COMMD10: variants seen among roughly 807,000 people sequenced by gnomAD.
The protein encoded by COMMD10 is COMM domain-containing protein 10.
A neutral mutation model predicts 28.9 loss-of-function variants in COMMD10; 33 were observed. That is an observed-to-expected ratio of 1.14 (90% CI 0.87 to 1.53). The LOEUF (loss-of-function observed/expected upper bound fraction) is 1.53, where lower values mean the gene tolerates loss of function less well. Among genes scored for constraint, COMMD10 ranks in the 40% most tolerant of loss-of-function variants. COMMD10 has a pLI of 0.00. For missense variants in COMMD10, 310 were observed against 233.4 expected (o/e 1.33, Z -2.14); for synonymous variants, 110 against 81.7 (o/e 1.35, Z -1.87).
intron 4 of COMMD10, among the ~76,000 whole-genome samples, chr5:116,116,757 G>T (rs1233109833): frequency 1.3e-5 from 2 of 148,804 alleles, no homozygotes; most frequent in Admixed American, 1.3e-4. Context: ...TGTCGCCCAG[G>T]CCGGACTGTG....
At chr5:116,144,334 T>A (rs6594948) in intron 5 of COMMD10, among the ~76,000 whole-genome samples, 76,561 of 151,568 alleles carry the variant, frequency 0.51, 21,932 homozygotes, top group Non-Finnish European at 0.65. Flanking sequence ...CTAAGTAAAG[T>A]TAGAGGGAAG....
At chr5:116,229,451 C>T (rs1285824876) in intron 5 of COMMD10, among the ~76,000 whole-genome samples, 2 of 152,050 alleles carry the variant, frequency 1.3e-5, no homozygotes, top group Non-Finnish European at 2.9e-5. Flanking sequence ...AAAGACTTGA[C>T]AGCACTGTAG....
At chr5:116,153,712 G>T (rs1274053035) in intron 5 of COMMD10, among the ~76,000 whole-genome samples, 1 of 151,904 alleles carries the variant, frequency 6.6e-6, no homozygotes, top group Non-Finnish European at 1.5e-5. Flanking sequence ...ATAGTGATTG[G>T]TTTGCCACCT....
At chr5:116,149,881 T>G (rs1257047878) in intron 5 of COMMD10, among the ~76,000 whole-genome samples, 1 of 151,362 alleles carries the variant, frequency 6.6e-6, no homozygotes, top group Non-Finnish European at 1.5e-5. Flanking sequence ...TTTGTCAATT[T>G]TGTCTTTTGT....
chr5:116,219,352 C>T (rs1353654252), intron 5 of COMMD10, among the ~76,000 whole-genome samples: 1 of 152,162 alleles, frequency 6.6e-6, no homozygotes, highest in Non-Finnish European at 1.5e-5. Context: ...ATAACAGCTC[C>T]TCACAGATAG....
At chr5:116,274,566 C>G (rs1561404184) in intron 5 of COMMD10, among the ~76,000 whole-genome samples, 1 of 151,788 alleles carries the variant, frequency 6.6e-6, no homozygotes, top group Non-Finnish European at 1.5e-5. Flanking sequence ...TTCCTCTGTT[C>G]AGCTGGGCTT....
rs550838706 is a variant in COMMD10, at chr5:116,266,357, C to G, written c.511-25160C>G. 9.9e-5 allele frequency among the ~76,000 whole-genome samples: 15 copies of G among 151,524 alleles called. No homozygotes were observed. In the East Asian group the frequency reaches 2.7e-3, roughly 27 times the overall value. ...TAAGCTGTTATATTTTTCTTTTTAA[C>G]TAAAGGGGTATATTTCAATGGAAAG... On this transcript the variant is annotated intron_variant, in intron 5 of 6. Coordinates refer to ENST00000274458, the MANE Select transcript of COMMD10 (RefSeq NM_016144.4).
Position 116,256,632 on chromosome 5 carries a change from G to A in COMMD10, c.511-34885G>A, listed in dbSNP as rs974643273. 4.0e-5 allele frequency among the ~76,000 whole-genome samples: 6 copies of A among 151,774 alleles called. No homozygotes were observed. The East Asian group carries it at 1.2e-3, about 29-fold the overall frequency. On this transcript the variant is annotated intron_variant, in intron 5 of 6. Transcript: ENST00000274458. The stretch of plus-strand genomic sequence containing the variant: ...TGGAACCAGAAATGTTTCAGATTTT[G>A]GATTTTTTCATATTTTGTAATGTTT...
At chr5:116,169,439 G>C (rs1252937437) in intron 5 of COMMD10, among the ~76,000 whole-genome samples, 1 of 151,452 alleles carries the variant, frequency 6.6e-6, no homozygotes, top group African/African-American at 2.4e-5. Context: ...GTTTCCTTCG[G>C]AAACTATTCT....
At chr5:116,239,890 A>G (rs1387179692) in intron 5 of COMMD10, among the ~76,000 whole-genome samples, 1 of 152,152 alleles carries the variant, frequency 6.6e-6, no homozygotes, top group Non-Finnish European at 1.5e-5. Flanking sequence ...CTTTTCTTCA[A>G]CTGATTGGCA....
intron 5 of COMMD10, among the ~76,000 whole-genome samples, chr5:116,270,775 GAATACAGAAGAATT>G (rs1750732218): frequency 6.6e-6 from 1 of 151,444 alleles, no homozygotes; most frequent in Admixed American, 6.6e-5. Flanking sequence ...CATCTCTACT[GAATACAGAAGAATT>G]AGTTGGGCTT....
At chr5:116,153,651 C>G (rs1291327867) in intron 5 of COMMD10, among the ~76,000 whole-genome samples, 1 of 151,596 alleles carries the variant, frequency 6.6e-6, no homozygotes, top group Non-Finnish European at 1.5e-5. Context: ...TTTTATTGGC[C>G]CAGAGGGCTG....
At chr5:116,256,456 C>G (rs1019089793) in intron 5 of COMMD10, among the ~76,000 whole-genome samples, 7 of 151,666 alleles carry the variant, frequency 4.6e-5, no homozygotes, top group Admixed American at 4.6e-4. Context: ...TTACCTTTCC[C>G]TTTGCATGTA....
intron 5 of COMMD10, among the ~76,000 whole-genome samples, chr5:116,158,761 CT>C: frequency 6.6e-6 from 1 of 151,920 alleles, no homozygotes; most frequent in South Asian, 2.1e-4. Flanking sequence ...GTAGTTTTGA[CT>C]TTCATTAATC....
intron 4 of COMMD10, 34 bp downstream of exon 4, chr5:116,092,734 A>G (rs776950650): frequency 1.3e-5 from 19 of 1,436,686 alleles, no homozygotes; most frequent in African/African-American, 7.2e-5. Context: ...ATGTTTTTCA[A>G]TAACATATGG....
intron 5 of COMMD10, among the ~76,000 whole-genome samples, chr5:116,180,183 G>C (rs1253542770): frequency 6.6e-6 from 1 of 152,014 alleles, no homozygotes; most frequent in Non-Finnish European, 1.5e-5. Context: ...AGACGCTTGG[G>C]TTACCTCTGT....
intron 5 of COMMD10, among the ~76,000 whole-genome samples, chr5:116,145,922 A>T (rs942002158): frequency 2.0e-5 from 3 of 152,072 alleles, no homozygotes; most frequent in African/African-American, 7.2e-5. Context: ...TGAGTCAATT[A>T]AACCTCTTTC....
intron 5 of COMMD10, among the ~76,000 whole-genome samples, chr5:116,230,178 A>G (rs72806905): frequency 0.03 from 4,633 of 152,082 alleles, 97 homozygotes; most frequent in Non-Finnish European, 0.044. Context: ...TTAGCTTTGT[A>G]TAAGGAAGCC....
chr5:116,282,463 T>C (rs1218122230), intron 5 of COMMD10, among the ~76,000 whole-genome samples: 1 of 151,944 alleles, frequency 6.6e-6, no homozygotes, highest in African/African-American at 2.4e-5. Context: ...ATATCACTCT[T>C]ATATCTAAAA....
Sources: allele counts gnomAD v4.1 joint callset (sites outside exome capture counted in the v4.1 genomes callset), GRCh38; gene constraint gnomAD v4.1.1; transcripts MANE v1.5; gene names NCBI Gene and HGNC (gene_info 2026-07-23, HGNC 2026-07-21).